PDE1C: variants seen among roughly 807,000 people sequenced by gnomAD.
PDE1C encodes dual specificity calcium/calmodulin-dependent 3',5'-cyclic nucleotide phosphodiesterase 1C.
In PDE1C, 62 loss-of-function variants were observed where a neutral mutation model predicts 93.1. That is an observed-to-expected ratio of 0.67 (90% CI 0.54 to 0.82). PDE1C has a LOEUF of 0.82. Among genes scored for constraint, PDE1C ranks in the 40% least tolerant of loss-of-function variants. PDE1C has a pLI of 0.00. For missense variants in PDE1C, 742 were observed against 884.6 expected (o/e 0.84, Z 2.04); for synonymous variants, 325 against 310.1 (o/e 1.05, Z -0.50).
chr7:31,785,712 C>A (rs1783852984), intron 16 of PDE1C: 1 of 152,088 alleles, frequency 6.6e-6, no homozygotes, highest in Admixed American at 6.6e-5. Flanking sequence ...TTTTTCTAAT[C>A]TCCCTGGGAA....
chr7:31,634,137 T>C, the PDE1C span, among the ~76,000 whole-genome samples: 38,960 of 152,088 alleles, frequency 0.26, 5,916 homozygotes, highest in Non-Finnish European at 0.33. Context: ...GCCTGAGGCG[T>C]CTGTCTCCTC....
intron 1 of PDE1C, among the ~76,000 whole-genome samples, chr7:32,310,912 C>A (rs562713075): frequency 2.0e-4 from 31 of 152,218 alleles, no homozygotes; most frequent in Non-Finnish European, 2.1e-4. Context: ...TAGAGCAGAA[C>A]TGAAGGAAAT....
the PDE1C span, among the ~76,000 whole-genome samples, chr7:31,661,999 G>A: frequency 6.6e-6 from 1 of 152,092 alleles, no homozygotes; most frequent in Non-Finnish European, 1.5e-5. Context: ...AATGGTTATG[G>A]TTATTGGATT....
chr7:32,025,903 C>T lies in PDE1C; in HGVS notation c.128+25651G>A, dbSNP rs185047420. On this transcript the variant is annotated intron_variant, in intron 2 of 17. Coordinates refer to ENST00000396191, the MANE Select transcript of PDE1C (RefSeq NM_001191057.4). ...ACCTAGCTGTGCCTTTTCAGGCCAA[C>T]CACGTGCTGGCAGCGTCTGTTCCTT... 3.5e-4 allele frequency among the ~76,000 whole-genome samples: 53 copies of T among 152,236 alleles called. 1 individual carries two copies. The East Asian group carries it at 4.8e-3, about 14-fold the overall frequency.
intron 2 of PDE1C, among the ~76,000 whole-genome samples, chr7:31,949,382 C>A (rs932103481): frequency 9.9e-5 from 15 of 152,074 alleles, no homozygotes; most frequent in African/African-American, 3.6e-4. Flanking sequence ...ATCACTTGAA[C>A]CTGGGAGGTG....
intron 9 of PDE1C, among the ~76,000 whole-genome samples, chr7:31,846,172 A>G (rs967326138): frequency 2.0e-5 from 3 of 150,934 alleles, no homozygotes; most frequent in Admixed American, 1.3e-4. Context: ...GCCTCTTAAC[A>G]TATTTTCCAA....
chr7:31,745,956 G>A, the PDE1C span, among the ~76,000 whole-genome samples: 3 of 152,170 alleles, frequency 2.0e-5, no homozygotes, highest in African/African-American at 7.2e-5. Context: ...TTTGAGCAAG[G>A]TGTCAGGAGT....
At chr7:32,418,518 A>G (rs1298303738) in intron 1 of PDE1C, among the ~76,000 whole-genome samples, 1 of 152,156 alleles carries the variant, frequency 6.6e-6, no homozygotes, top group Non-Finnish European at 1.5e-5. Flanking sequence ...CACTTTTTCA[A>G]TCATTAAAAA....
At chr7:32,024,618 C>A (rs182362144) in intron 2 of PDE1C, among the ~76,000 whole-genome samples, 80 of 152,190 alleles carry the variant, frequency 5.3e-4, no homozygotes, top group South Asian at 3.5e-3. Flanking sequence ...TAAGAGAGAG[C>A]AAAGATTAAA....
At chr7:31,853,725 T>G (rs1011309505) in intron 7 of PDE1C, among the ~76,000 whole-genome samples, 1 of 151,708 alleles carries the variant, frequency 6.6e-6, no homozygotes, top group Non-Finnish European at 1.5e-5. Context: ...TTTTGTTTTT[T>G]TTTAAACAGG....
rs192413396 is a variant in PDE1C, at chr7:31,837,365, T to C, written c.1083-65A>G. 5 of 1,421,196 alleles carry C rather than the reference T, an allele frequency of 3.5e-6. No individual in the cohort carries two copies. The South Asian group carries it at 6.2e-5, about 18-fold the overall frequency. 88.0% of individuals were successfully genotyped at this position (1,421,196 alleles called of 1,614,324 possible). Reference sequence around the variant, plus strand: ...CTTCAGAACCTCAGTAAGAGTTTTTTAAAAATCATTAAGTTTTTAATCTCT... The same window carrying C: ...CTTCAGAACCTCAGTAAGAGTTTTTCAAAAATCATTAAGTTTTTAATCTCT... On this transcript the variant is annotated intron_variant, in intron 10 of 17. Transcript: ENST00000396191.
At chr7:31,939,917 C>T (rs940628783) in intron 2 of PDE1C, among the ~76,000 whole-genome samples, 38 of 152,174 alleles carry the variant, frequency 2.5e-4, no homozygotes, top group African/African-American at 9.2e-4. Flanking sequence ...TGGCTGCCCA[C>T]AGCCTGGAGA....
chr7:31,984,108 CA>C (rs1277672666), intron 2 of PDE1C, among the ~76,000 whole-genome samples: 2 of 152,122 alleles, frequency 1.3e-5, no homozygotes, highest in Non-Finnish European at 2.9e-5. Flanking sequence ...AGGGCTAGAT[CA>C]GGGGTCCGCA....
At chr7:31,742,686 A>G in the PDE1C span, among the ~76,000 whole-genome samples, 1 of 152,226 alleles carries the variant, frequency 6.6e-6, no homozygotes, top group Non-Finnish European at 1.5e-5. Flanking sequence ...CATGATAAAT[A>G]TAGTTGAGGG....
At chr7:32,353,924 A>G (rs1585122125) in intron 1 of PDE1C, among the ~76,000 whole-genome samples, 1 of 152,214 alleles carries the variant, frequency 6.6e-6, no homozygotes, top group Non-Finnish European at 1.5e-5. Context: ...TTAGATAACT[A>G]TTGTCTTCTT....
At chr7:32,131,103 C>A (rs1186214451) in intron 3 of PDE1C, among the ~76,000 whole-genome samples, 3 of 152,094 alleles carry the variant, frequency 2.0e-5, no homozygotes, top group African/African-American at 7.2e-5. Flanking sequence ...CATGGTTTCT[C>A]TACAAGAACC....
chr7:32,066,968 C>T (rs142431091), intron 1 of PDE1C, among the ~76,000 whole-genome samples: 4 of 152,288 alleles, frequency 2.6e-5, no homozygotes, highest in Admixed American at 6.5e-5. Context: ...GGAGCATGTG[C>T]GTAAGCAGCA....
At chr7:31,655,055 C>G in the PDE1C span, among the ~76,000 whole-genome samples, 10 of 152,288 alleles carry the variant, frequency 6.6e-5, no homozygotes, top group Admixed American at 5.9e-4. Context: ...CACACACACT[C>G]TCCAAGCATC....
chr7:32,232,290 C>T (rs918263466), intron 1 of PDE1C, among the ~76,000 whole-genome samples: 1 of 152,160 alleles, frequency 6.6e-6, no homozygotes, highest in Non-Finnish European at 1.5e-5. Flanking sequence ...AGTTATGGAA[C>T]AAGATTGGGA....
Sources: gnomAD v4.1 joint callset for allele counts (sites outside exome capture counted in the v4.1 genomes callset) on GRCh38, gnomAD v4.1.1 for gene constraint, MANE v1.5 for transcripts, NCBI Gene and HGNC (gene_info 2026-07-23, HGNC 2026-07-21) for gene names.